The following SLC23A3 variants were observed in gnomAD, a reference collection of about 807,000 sequenced individuals.
The protein encoded by SLC23A3 is E2-binding protein 3.
In SLC23A3, 41 loss-of-function variants were observed where a neutral mutation model predicts 64.7. The ratio of observed to expected loss-of-function variants is 0.63; its 90% CI spans 0.49 to 0.82. The LOEUF is 0.82. SLC23A3 is among the 40% of genes least tolerant of loss of function. SLC23A3 has a pLI of 0.00. For missense variants in SLC23A3, 647 were observed against 733.4 expected (o/e 0.88, Z 1.36); for synonymous variants, 281 against 306.8 (o/e 0.92, Z 0.88).
Position 219,165,250 on chromosome 2 carries a change from G to A in SLC23A3, c.1086C>T (p.Gly362=). The A allele has an allele frequency of 1.3e-6, 2 of 1,551,600 alleles. No individual in the cohort carries two copies. Among genetic ancestry groups the A allele is most frequent in the Non-Finnish European group, 1.7e-6 (2 of 1,147,010 alleles). ...CSRGLSLEGL[G]SVLAGLLGSP... is the part of the protein sequence containing the mutation. ...TTCCCAGCAGCCCGGCCAGCACACTGCCCAGCCCCTCCAGGCTCAGCCCTC... is the reference window on the plus strand; with the variant it reads ...TTCCCAGCAGCCCGGCCAGCACACTACCCAGCCCCTCCAGGCTCAGCCCTC... The change falls in exon 8 of 12, where the codon GGC becomes GGT. Residue 362 remains glycine (G), a synonymous_variant. Coordinates refer to ENST00000409878, the MANE Select transcript of SLC23A3 (RefSeq NM_001144889.2).
chr2:219,162,688 T>C (rs922253667), intron 10 of SLC23A3, among the ~76,000 whole-genome samples: 1 of 152,138 alleles, frequency 6.6e-6, no homozygotes, highest in African/African-American at 2.4e-5. Flanking sequence ...CCCAACCTCA[T>C]CTCCCATTTT....
At chr2:219,162,278 T>C (rs750223601) in intron 11 of SLC23A3, 21 bp downstream of exon 11, 20 of 1,613,938 alleles carry the variant, frequency 1.2e-5, no homozygotes, top group Non-Finnish European at 1.7e-5. Context: ...CCCAGTCTGC[T>C]AGGGCCTAGC....
chr2:219,165,541 G>T, intron 7 of SLC23A3, 119 bp from the exon 8 acceptor site: 1 of 1,220,136 alleles, frequency 8.2e-7, no homozygotes, highest in Non-Finnish European at 1.1e-6. Flanking sequence ...CAATGTCTTG[G>T]GACAAAACTA....
rs1950024679 is a variant in SLC23A3 at position 219,168,307 on chromosome 2, A to G, written c.686T>C (p.Leu229Pro). 7 of 1,607,542 alleles carry G rather than the reference A, an allele frequency of 4.4e-6. No homozygotes were observed. The South Asian group carries it at 7.8e-5, about 18-fold the overall frequency. The part of the protein sequence containing the change: ...HWGLALLVIL[L>P]MVVCSQHLGS... Reference sequence around the variant, plus strand: ...CAGGTGCTGAGAACAGACCACCATGAGCAGGATAACCCTAGGAGACAGAAG... The same window carrying G: ...CAGGTGCTGAGAACAGACCACCATGGGCAGGATAACCCTAGGAGACAGAAG... Residue 229 changes from leucine to proline, a missense_variant, in exon 6 of 12, where the codon CTC becomes CCC. Transcript: ENST00000409878.
chr2:219,169,699 AG>A lies in SLC23A3; in HGVS notation c.163-22del, dbSNP rs779318324. ...ACATGCTGCAGGTGGAGGAATGGGG[AG>A]GGCAGTCTTCAGAGAAGTGGAAATA... is the stretch of plus-strand genomic sequence containing the variant. On this transcript the variant is annotated intron_variant, in intron 1 of 11. Transcript: ENST00000409878. The surrounding 1 kb of genome is among the most constrained non-coding windows in gnomAD (Gnocchi z 4.5). 1 of 1,613,706 alleles carries A rather than the reference AG, an allele frequency of 6.2e-7. No homozygotes were observed. The highest frequency in any genetic ancestry group is 1.1e-5 in the South Asian group (1 of 91,076).
At chr2:219,165,084 C>T (rs1370456141) in intron 8 of SLC23A3, 85 bp downstream of exon 8, 1 of 1,492,126 alleles carries the variant, frequency 6.7e-7, no homozygotes, top group East Asian at 2.5e-5. Flanking sequence ...GCTAGGCACA[C>T]CTGGCAATCA....
intron 7 of SLC23A3, among the ~76,000 whole-genome samples, chr2:219,167,588 CAAA>C (rs34130254): frequency 8.2e-5 from 5 of 61,080 alleles, no homozygotes; most frequent in Non-Finnish European, 1.2e-4. Flanking sequence ...CCTGTCTCTA[CAAA>C]AAAAAAAAAA....
chr2:219,167,509 C>A, intron 7 of SLC23A3, among the ~76,000 whole-genome samples: 2 of 150,874 alleles, frequency 1.3e-5, no homozygotes, highest in Non-Finnish European at 2.9e-5. Context: ...TGCCTGTAAT[C>A]CCAGCATTTA....
intron 6 of SLC23A3, 63 bp from the exon 7 acceptor site, chr2:219,168,107 G>A: frequency 6.3e-7 from 1 of 1,576,688 alleles, no homozygotes; most frequent in Middle Eastern, 1.7e-4. Flanking sequence ...CCTTGCAGGG[G>A]TAGACAGAAG....
chr2:219,162,031 G>A lies in SLC23A3; in HGVS notation c.1711C>T (p.Pro571Ser), dbSNP rs764731618. 4 of 1,614,054 alleles carry A rather than the reference G, an allele frequency of 2.5e-6. No individual in the cohort carries two copies. Among genetic ancestry groups the A allele is most frequent in the Non-Finnish European group, 3.4e-6 (4 of 1,180,028 alleles). ...CCTTCCTCATCCCCAGGGTCTTCAG[G>A]CAGTGGGCAGAGGCAGTGGAGAGGC... The part of the protein sequence containing the change: ...PQPLHCLCPL[P>S]EDPGDEEGGS... The change falls in exon 12 of 12, where the codon CCT (proline) becomes TCT (serine). Residue 571 changes from proline (P) to serine (S), a missense_variant. Pro to Ser is a moderately conservative substitution (Grantham distance 74). Transcript: ENST00000409878.
intron 5 of SLC23A3, 117 bp downstream of exon 5, chr2:219,168,535 A>G: frequency 8.5e-7 from 1 of 1,172,850 alleles, no homozygotes; most frequent in Non-Finnish European, 1.2e-6. Flanking sequence ...TCCAAATATA[A>G]AATATGTCCC....
At position 219,168,033 on chromosome 2, in the gene SLC23A3, TG is replaced by T; in HGVS notation, c.809del (p.Pro270GlnfsTer43). 6.3e-7 allele frequency: 1 copy of T among 1,585,112 alleles called. No homozygotes were observed. The highest frequency in any genetic ancestry group is 8.5e-7 in the Non-Finnish European group (1 of 1,169,912). ...PVFRLLSVLIPVACVWIVSAF... is the reference protein window; with the variant it reads ...PVFRLLSVLIXVACVWIVSAF... ...CAGAAACAATCCACACACAGGCCACTGGGATCAGCACCTGAGGGGCGAGACT... is the reference window on the plus strand; with the variant it reads ...CAGAAACAATCCACACACAGGCCACTGGATCAGCACCTGAGGGGCGAGACT... On this transcript the variant is annotated frameshift_variant, in exon 7 of 12. Transcript: ENST00000409878. LOFTEE classifies it high-confidence loss of function.
intron 7 of SLC23A3, among the ~76,000 whole-genome samples, chr2:219,166,685 C>G: frequency 6.6e-6 from 1 of 152,122 alleles, no homozygotes; most frequent in East Asian, 1.9e-4. Flanking sequence ...CAAGCATGTG[C>G]CACTAGGCCC....
chr2:219,165,325 C>T lies in SLC23A3; in HGVS notation c.1011G>A (p.Leu337=). Residue 337 remains leucine (L), a synonymous_variant, in exon 8 of 12, where the codon CTG becomes CTA. Coordinates refer to ENST00000409878, the MANE Select transcript of SLC23A3 (RefSeq NM_001144889.2). The part of the protein sequence containing the change: ...ASTSSLGCYA[L]CGRLLHLPPP... ...GAGGCAAATGCAGCAGCCGGCCACA[C>T]AGGGCATAGCAGCCCAGGGAACTGG... 1.9e-6 allele frequency: 3 copies of T among 1,551,540 alleles called. No individual in the cohort carries two copies. The highest frequency in any genetic ancestry group is 1.4e-5 in the African/African-American group (1 of 73,194).
rs758633814 is a variant in SLC23A3 at position 219,168,806 on chromosome 2, G to GCCCAGA, written c.514_519dup (p.Ser172_Gly173dup). On this transcript the variant is annotated inframe_insertion, in exon 5 of 12. Coordinates refer to ENST00000409878, the MANE Select transcript of SLC23A3 (RefSeq NM_001144889.2). ...AGCAGCCCCATCATGCCCTGCAGCA[G>GCCCAGA]CCCAGATACTACCACTGCCCCGGAC... 56 of 1,596,984 alleles carry GCCCAGA rather than the reference G, an allele frequency of 3.5e-5. No individual in the cohort carries two copies. Among genetic ancestry groups the GCCCAGA allele is most frequent in the Non-Finnish European group, 4.8e-5 (56 of 1,171,708 alleles).
rs372150675 is a variant in SLC23A3 at position 219,161,954 on chromosome 2, C to T, written c.1788G>A (p.Glu596=). 4.8e-5 allele frequency: 77 copies of T among 1,605,532 alleles called. No homozygotes were observed. In the African/African-American group the frequency reaches 8.4e-4, roughly 18 times the overall value. ...EMADLLPGSG[E]PCPESSREGF... is the part of the protein sequence containing the mutation. ...CTTCTCTGCTAGATTCAGGGCATGG[C>T]TCCCCTGAGCCAGGCAGCAAGTCTG... Residue 596 remains glutamate, a synonymous_variant, in exon 12 of 12, where the codon GAG becomes GAA. Coordinates refer to ENST00000409878, the MANE Select transcript of SLC23A3 (RefSeq NM_001144889.2).
In SLC23A3 at chr2:219,163,409, C is replaced by A; in HGVS notation, c.1420G>T (p.Ala474Ser). The A allele has an allele frequency of 6.2e-7, 1 of 1,614,220 alleles. No individual in the cohort carries two copies. Among genetic ancestry groups the A allele is most frequent in the Non-Finnish European group, 8.5e-7 (1 of 1,180,038 alleles). ...CTACCTGTGCTGAACAGGACTGGGG[C>A]TTCCCGAAACCATCTTGGCAGCAGC... ...ALLLPRWFRE[A>S]PVLFSTGWSP... The change falls in exon 10 of 12, where the codon GCC (alanine) becomes TCC (serine). Residue 474 changes from alanine (A) to serine (S), a missense_variant. Transcript: ENST00000409878.
chr2:219,165,558 T>C, intron 7 of SLC23A3, 136 bp from the exon 8 acceptor site: 2 of 1,097,570 alleles, frequency 1.8e-6, no homozygotes, highest in Non-Finnish European at 2.5e-6. Context: ...ACTACTGAAC[T>C]CTAAGGAGAA....
intron 10 of SLC23A3, among the ~76,000 whole-genome samples, chr2:219,162,994 C>G (rs997496234): frequency 2.0e-5 from 3 of 152,160 alleles, no homozygotes; most frequent in African/African-American, 7.2e-5. Context: ...CTAAGACTTC[C>G]CACTTCTGTG....
Sources: allele counts gnomAD v4.1 joint callset (sites outside exome capture counted in the v4.1 genomes callset), GRCh38; gene constraint gnomAD v4.1.1; non-coding constraint Gnocchi (gnomAD v3.1); transcripts MANE v1.5; gene names NCBI Gene and HGNC (gene_info 2026-07-23, HGNC 2026-07-21).